The following CNGB1 variants were observed in gnomAD, a reference collection of about 807,000 sequenced individuals.
CNGB1 encodes cyclic nucleotide gated channel subunit beta 1.
In CNGB1, 126 loss-of-function variants were observed where a neutral mutation model predicts 151.7. The observed-to-expected ratio is 0.83, with a 90% CI of 0.72 to 0.96. The LOEUF (loss-of-function observed/expected upper bound fraction) is 0.96. Ranked by LOEUF, CNGB1 falls within the 40% of genes least tolerant of loss-of-function variation. The probability of loss-of-function intolerance (pLI) is 0.00; values close to 1 mark genes in which losing one functional copy is unlikely to be tolerated. For missense variants in CNGB1, 1,698 were observed against 1,627.0 expected, an observed-to-expected ratio of 1.04 and a Z score of -0.75; for synonymous variants, 623 against 635.1, an observed-to-expected ratio of 0.98 and a Z score of 0.29.
At chr16:57,904,172 G>A (rs191825928) in intron 26 of CNGB1, among the ~76,000 whole-genome samples, 191 bp from the exon 27 acceptor site, 2 of 152,278 alleles carry the variant, frequency 1.3e-5, no homozygotes, top group African/African-American at 2.4e-5. Flanking sequence ...CTCCAGCATG[G>A]ATGTGGGGAA....
chr16:57,931,675 C>T (rs1323347891), intron 17 of CNGB1, 41 bp downstream of exon 17: 1 of 1,608,864 alleles, frequency 6.2e-7, no homozygotes, highest in Non-Finnish European at 8.5e-7. Flanking sequence ...AAACAGGTGG[C>T]ACAGTGCCGA....
chr16:57,903,754 A>C lies in CNGB1; in HGVS notation c.2794+68T>G, dbSNP rs569082577. 5 of 1,578,846 alleles carry C rather than the reference A, an allele frequency of 3.2e-6. No homozygotes were observed. In the African/African-American group the frequency reaches 6.7e-5, roughly 21 times the overall value. On this transcript the variant is annotated intron_variant, in intron 27 of 32. Coordinates refer to ENST00000251102, the MANE Select transcript of CNGB1 (RefSeq NM_001297.5). ...AGGACGAGGGAGGCGCCCCGAAGGC[A>C]TGGCACCGGGCACCAGGCGACAGGA...
At chr16:57,905,838 C>T (rs1226067415) in intron 25 of CNGB1, among the ~76,000 whole-genome samples, 2 of 152,220 alleles carry the variant, frequency 1.3e-5, no homozygotes, top group Non-Finnish European at 2.9e-5. Flanking sequence ...TCACCAGATG[C>T]CAGCACCTTG....
At position 57,920,515 on chromosome 16, in the gene CNGB1, C is replaced by T. The variant is rs2149366550; in HGVS notation, c.1673G>A (p.Ser558Asn). The T allele has an allele frequency of 1.2e-6, 2 of 1,613,842 alleles. No homozygotes were observed. Among genetic ancestry groups the T allele is most frequent in the African/African-American group, 1.3e-5 (1 of 75,064 alleles). Reference protein sequence around the residue: ...DGQDRAASTASTNSAIINDRL... With the variant: ...DGQDRAASTANTNSAIINDRL... ...GTCGTTGATGATGGCGCTATTTGTG[C>T]TGGCCGTGGAGGCCGCACGGTCCTG... The change falls in exon 19 of 33, where the codon AGC becomes AAC. Residue 558 changes from serine (S) to asparagine (N), a missense_variant. By Grantham distance (46) the Ser-to-Asn change is conservative (BLOSUM62 1). Transcript: ENST00000251102.
intron 19 of CNGB1, among the ~76,000 whole-genome samples, chr16:57,919,656 G>A (rs1343951066): frequency 1.3e-5 from 2 of 152,152 alleles, no homozygotes; most frequent in African/African-American, 4.8e-5. Flanking sequence ...GAATGCTGAA[G>A]GGCCTAACAA....
At chr16:57,897,646 G>A in intron 30 of CNGB1, 103 bp from the exon 31 acceptor site, 1 of 1,573,376 alleles carries the variant, frequency 6.4e-7, no homozygotes, top group Non-Finnish European at 8.7e-7. Flanking sequence ...GCCCCACACA[G>A]ATGAGAACCT....
chr16:57,908,291 G>GTT, intron 25 of CNGB1, among the ~76,000 whole-genome samples: 1 of 152,234 alleles, frequency 6.6e-6, no homozygotes, highest in African/African-American at 2.4e-5. Flanking sequence ...ATCTATACTG[G>GTT]GAGGGGACGT....
intron 31 of CNGB1, among the ~76,000 whole-genome samples, chr16:57,893,230 G>C (rs1483160913): frequency 6.6e-6 from 1 of 152,152 alleles, no homozygotes; most frequent in African/African-American, 2.4e-5. Context: ...AAAAATTATA[G>C]GGTGAATTTG....
chr16:57,915,452 T>C, intron 22 of CNGB1, 117 bp from the exon 23 acceptor site: 1 of 821,902 alleles, frequency 1.2e-6, no homozygotes, highest in Non-Finnish European at 2.1e-6. Flanking sequence ...AATGCCCCAG[T>C]AGAGCTTAAA....
Position 57,915,240 on chromosome 16 carries a change from C to A in CNGB1, c.2304+9G>T, listed in dbSNP as rs1469754493. On this transcript the variant is annotated intron_variant, in intron 23 of 32. Transcript: ENST00000251102. ...TGAAGGCCTGGGGTGGTGGGCCCAG[C>A]AGTCCTACCTTTAAACAGCGGGGCA... 1.9e-6 allele frequency: 3 copies of A among 1,610,256 alleles called. No homozygotes were observed. Among genetic ancestry groups the A allele is most frequent in the East Asian group, 4.5e-5 (2 of 44,874 alleles).
chr16:57,888,514 G>A (rs1161559484), intron 31 of CNGB1, among the ~76,000 whole-genome samples: 1 of 151,742 alleles, frequency 6.6e-6, no homozygotes, highest in East Asian at 1.9e-4. Flanking sequence ...TGTCGCCCAG[G>A]CAGGAGTGTA....
intron 12 of CNGB1, among the ~76,000 whole-genome samples, chr16:57,956,217 G>A (rs1397422171): frequency 3.3e-5 from 5 of 151,814 alleles, no homozygotes; most frequent in African/African-American, 9.7e-5. Context: ...AGGTGGACTC[G>A]ATTTGCTCTG....
chr16:57,922,235 C>T (rs1190095386), intron 18 of CNGB1, among the ~76,000 whole-genome samples: 1 of 152,064 alleles, frequency 6.6e-6, no homozygotes, highest in Non-Finnish European at 1.5e-5. Flanking sequence ...TGTGGCTCAT[C>T]TAGGAGTCAT....
chr16:57,924,081 G>A (rs1961120920), intron 17 of CNGB1, among the ~76,000 whole-genome samples: 1 of 152,292 alleles, frequency 6.6e-6, no homozygotes, highest in South Asian at 2.1e-4. Flanking sequence ...TCAGAGACAA[G>A]AAGGTTCTTG....
chr16:57,935,684 G>C (rs924860000), intron 16 of CNGB1, among the ~76,000 whole-genome samples: 6 of 152,114 alleles, frequency 3.9e-5, no homozygotes, highest in Non-Finnish European at 7.4e-5. Flanking sequence ...AGATTTAGCA[G>C]TTATCAGGGA....
intron 12 of CNGB1, chr16:57,955,442 G>A: frequency 7.9e-7 from 1 of 1,262,562 alleles, no homozygotes; most frequent in Non-Finnish European, 1.1e-6. Context: ...GTGAGTGAGT[G>A]GATGAGTGAA....
rs751916833 is a variant in CNGB1, at chr16:57,919,268, T to C, written c.1802-14A>G. ...TCTTGGCTGGGGCTGTGGGATGACA[T>C]TGGTGACCATCTGAACCAGCCCTGA... On this transcript the variant is annotated splice_polypyrimidine_tract_variant and intron_variant, in intron 19 of 32. Transcript: ENST00000251102. 8.6e-5 allele frequency: 138 copies of C among 1,613,958 alleles called. No individual in the cohort carries two copies. The highest frequency in any genetic ancestry group is 1.1e-4 in the Non-Finnish European group (133 of 1,180,014).
chr16:57,965,055 CG>C (rs1318185327), intron 2 of CNGB1, among the ~76,000 whole-genome samples: 1 of 152,248 alleles, frequency 6.6e-6, no homozygotes, highest in African/African-American at 2.4e-5. Flanking sequence ...CCTGCTACTA[CG>C]TGCACTTATG....
At chr16:57,955,311 C>G in intron 12 of CNGB1, 1 of 1,551,782 alleles carries the variant, frequency 6.4e-7, no homozygotes, top group Non-Finnish European at 8.7e-7. Context: ...ATGTGTCCAT[C>G]TGAGCTCTCC....
Sources: gnomAD v4.1 joint callset for allele counts (sites outside exome capture counted in the v4.1 genomes callset) on GRCh38, gnomAD v4.1.1 for gene constraint, MANE v1.5 for transcripts, NCBI Gene and HGNC (gene_info 2026-07-23, HGNC 2026-07-21) for gene names.